EXOC3L1: variants seen among roughly 807,000 people sequenced by gnomAD.
EXOC3L1 encodes the protein exocyst complex component 3-like protein.
A neutral mutation model predicts 83.6 loss-of-function variants in EXOC3L1; 79 were observed. The observed-to-expected ratio is 0.95, with a 90% CI of 0.79 to 1.14. EXOC3L1 has a LOEUF of 1.14. Ranked by LOEUF, EXOC3L1 falls within the 50% of genes most tolerant of loss-of-function variation. The pLI is 0.00. For synonymous variants in EXOC3L1, 433 were observed against 451.2 expected (o/e 0.96, Z 0.51); for missense variants, 945 against 972.0 (o/e 0.97, Z 0.37).
At chr16:67,185,629 TC>T in intron 9 of EXOC3L1, 139 bp from the exon 10 acceptor site, 2 of 771,722 alleles carry the variant, frequency 2.6e-6, no homozygotes, top group Non-Finnish European at 4.2e-6. Context: ...GCACTTCTGG[TC>T]CCAGGCATGG....
chr16:67,186,113 A>T (rs2032711502), intron 9 of EXOC3L1, 124 bp downstream of exon 9: 1 of 679,698 alleles, frequency 1.5e-6, no homozygotes, highest in Admixed American at 2.5e-5. Context: ...GCAGAACTAG[A>T]ATTGGAACCC....
Position 67,188,777 on chromosome 16 carries a change from A to G in EXOC3L1, c.371T>C (p.Val124Ala), listed in dbSNP as rs1439740743. ...LQTLEPLRER[V>A]AQHKQLQALS... ...GGCCTGCAGTTGCTTGTGCTGGGCA[A>G]CCCGCTCCCGTAGGGGCTCTAGAGT... The change falls in exon 4 of 14, where the codon GTT (valine) becomes GCT (alanine). Residue 124 changes from valine to alanine, a missense_variant. Val to Ala is a moderately conservative substitution (Grantham distance 64). Transcript: ENST00000314586. 1 of 1,613,078 alleles carries G rather than the reference A, an allele frequency of 6.2e-7. No individual in the cohort carries two copies. The highest frequency in any genetic ancestry group is 8.5e-7 in the Non-Finnish European group (1 of 1,179,930).
chr16:67,184,817 A>T lies in EXOC3L1; in HGVS notation c.1906-7T>A. On this transcript the variant is annotated splice_polypyrimidine_tract_variant and splice_region_variant and intron_variant, in intron 12 of 13. Transcript: ENST00000314586. ...GCGCGTTCTCCTCCAGGCCCTGAGC[A>T]CGTCGGGGTAGGGTCTCGCGCCAGC... is the stretch of plus-strand genomic sequence containing the variant. The T allele has an allele frequency of 6.2e-7, 1 of 1,603,944 alleles. No individual in the cohort carries two copies. The highest frequency in any genetic ancestry group is 8.5e-7 in the Non-Finnish European group (1 of 1,179,650).
At position 67,187,575 on chromosome 16, in the gene EXOC3L1, C is replaced by T. The variant is rs1322790333; in HGVS notation, c.690G>A (p.Glu230=). The T allele has an allele frequency of 6.2e-7, 1 of 1,605,268 alleles. No individual in the cohort carries two copies. The change falls in exon 5 of 14, where the codon GAG becomes GAA. Residue 230 remains glutamate, a synonymous_variant. Transcript: ENST00000314586. ...GGCCCAGGGGGGTTGTTCGTCCAGT[C>T]TCCACCTCCGCCACACGCACAGCAG... ...LVAAVRVAEV[E]TGRTTPLGQV...
chr16:67,184,701 T>G lies in EXOC3L1; in HGVS notation c.2015A>C (p.Gln672Pro). 1 of 1,576,322 alleles carries G rather than the reference T, an allele frequency of 6.3e-7. No individual in the cohort carries two copies. Residue 672 changes from glutamine (Q) to proline (P), a missense_variant, in exon 13 of 14, where the codon CAA becomes CCA. Physicochemically the swap from Gln to Pro is moderately conservative, Grantham distance 76. Transcript: ENST00000314586. ...LGLEVAGLRQ[Q>P]FPDVSEDHVS... ...CAGTCCGCACCTCACGTCGGGAAATTGTTGCCGCAGGCCAGCCACCTCCAG... is the reference window on the plus strand; with the variant it reads ...CAGTCCGCACCTCACGTCGGGAAATGGTTGCCGCAGGCCAGCCACCTCCAG...
chr16:67,189,751 CCT>C, intron 1 of EXOC3L1, 68 bp from the exon 2 acceptor site: 1 of 1,495,408 alleles, frequency 6.7e-7, no homozygotes, highest in African/African-American at 1.4e-5. Flanking sequence ...TGAGCTGCTG[CCT>C]CTGTCTAAGC....
In EXOC3L1 at chr16:67,187,446, T is replaced by G. The variant is rs1346528855; in HGVS notation, c.819A>C (p.Pro273=). The G allele has an allele frequency of 6.2e-7, 1 of 1,609,684 alleles. No homozygotes were observed. Among genetic ancestry groups the G allele is most frequent in the Non-Finnish European group, 8.5e-7 (1 of 1,179,748 alleles). Residue 273 remains proline (P), a synonymous_variant, in exon 5 of 14, where the codon CCA becomes CCC. Coordinates refer to ENST00000314586, the MANE Select transcript of EXOC3L1 (RefSeq NM_178516.4). ...SPLLPAPGAL[P]GWLEALRVAL... is the part of the protein sequence containing the mutation. ...CCACTCGCAGAGCCTCCAGCCACCCTGGTAGGGCCCCTGGTGCAGGCAGCA... is the reference window on the plus strand; with the variant it reads ...CCACTCGCAGAGCCTCCAGCCACCCGGGTAGGGCCCCTGGTGCAGGCAGCA...
At chr16:67,189,203 G>T (rs1468831436) in intron 2 of EXOC3L1, 23 bp from the exon 3 acceptor site, 5 of 1,576,598 alleles carry the variant, frequency 3.2e-6, no homozygotes, top group Non-Finnish European at 3.4e-6. Context: ...AGCCTGGGCA[G>T]CCGTGTAGTC....
chr16:67,184,861 A>G (rs1328624852), intron 12 of EXOC3L1, 41 bp downstream of exon 12: 1 of 1,609,970 alleles, frequency 6.2e-7, no homozygotes, highest in Non-Finnish European at 8.5e-7. Flanking sequence ...CCACCCAGCC[A>G]CTGAGACTCT....
chr16:67,185,464 T>C lies in EXOC3L1; in HGVS notation c.1523A>G (p.Asp508Gly). Residue 508 changes from aspartate to glycine, a missense_variant, in exon 10 of 14, where the codon GAC becomes GGC. By Grantham distance (94) the Asp-to-Gly change is moderately conservative (BLOSUM62 -1). Transcript: ENST00000314586. ...AGCCAAGGCCCCTGAAGGCGCCCCG[T>C]CCAGCTGCAGGACAGACACTGAGGA... ...LSSSVSVLQL[D>G]GAPSGALAPV... is the part of the protein sequence containing the mutation. 6.2e-7 allele frequency: 1 copy of C among 1,609,942 alleles called. No individual in the cohort carries two copies. Among genetic ancestry groups the C allele is most frequent in the Non-Finnish European group, 8.5e-7 (1 of 1,179,990 alleles).
Position 67,187,266 on chromosome 16 carries a change from A to G in EXOC3L1, c.999T>C (p.Asp333=). ...GTGCCCAGTGCAGCAAGGCGAAGGC[A>G]TCCGCAGCTTCTAGCTCAGGCCCTG... ...LLAGPELEAA[D]AFALLHWALH... is the part of the protein sequence containing the mutation. Residue 333 remains aspartate, a synonymous_variant, in exon 5 of 14, where the codon GAT becomes GAC. Transcript: ENST00000314586. The G allele has an allele frequency of 1.9e-6, 3 of 1,612,744 alleles. No individual in the cohort carries two copies. The highest frequency in any genetic ancestry group is 2.7e-5 in the African/African-American group (2 of 75,058).
rs138463268 is a variant in EXOC3L1, at chr16:67,187,984, C to T, written c.428-147G>A. 710 of 1,153,344 alleles carry T rather than the reference C, an allele frequency of 6.2e-4. 8 individuals carry two copies. In the East Asian group the frequency reaches 0.018, roughly 30 times the overall value. The allele number at this position is 1,153,344 out of a possible 1,614,324, so 71.4% of individuals were successfully genotyped here. Reference sequence around the variant, plus strand: ...GTAAGCTGGGCACAGTGGCTCATGCCTGTAATCCCAGCACTTCGGGAGGCC... The same window carrying T: ...GTAAGCTGGGCACAGTGGCTCATGCTTGTAATCCCAGCACTTCGGGAGGCC... On this transcript the variant is annotated intron_variant, in intron 4 of 13. Transcript: ENST00000314586.
intron 1 of EXOC3L1, 73 bp from the exon 2 acceptor site, chr16:67,189,756 G>T: frequency 6.9e-7 from 1 of 1,457,078 alleles, no homozygotes; most frequent in Non-Finnish European, 9.5e-7. Flanking sequence ...TGCTGCCTCT[G>T]TCTAAGCCCT....
In EXOC3L1 at chr16:67,188,837, C is replaced by G. The variant is rs139481929; in HGVS notation, c.311G>C (p.Arg104Pro). ...QGTREALSQARGLLQGMSQAL... is the reference protein window; with the variant it reads ...QGTREALSQAPGLLQGMSQAL... ...CTGGGACATGCCCTGGAGCAACCCACGGGCCTGGCTCAGGGCCTCCCGGGT... is the reference window on the plus strand; with the variant it reads ...CTGGGACATGCCCTGGAGCAACCCAGGGGCCTGGCTCAGGGCCTCCCGGGT... The change falls in exon 4 of 14, where the codon CGT (arginine) becomes CCT (proline). Residue 104 changes from arginine to proline, a missense_variant. Coordinates refer to ENST00000314586, the MANE Select transcript of EXOC3L1 (RefSeq NM_178516.4). 2.5e-6 allele frequency: 4 copies of G among 1,613,302 alleles called. No individual in the cohort carries two copies. The South Asian group carries it at 4.4e-5, about 18-fold the overall frequency.
At chr16:67,189,588 T>C (rs981988520) in intron 2 of EXOC3L1, 43 bp downstream of exon 2, 3 of 1,611,500 alleles carry the variant, frequency 1.9e-6, no homozygotes, top group Non-Finnish European at 2.5e-6. Context: ...GTCCCATCTT[T>C]GTTGCCATCA....
chr16:67,184,919 G>A lies in EXOC3L1; in HGVS notation c.1888C>T (p.Gln630Ter). 2 of 1,612,300 alleles carry A rather than the reference G, an allele frequency of 1.2e-6. No homozygotes were observed. The highest frequency in any genetic ancestry group is 1.7e-6 in the Non-Finnish European group (2 of 1,179,752). The change falls in exon 12 of 14, where the codon CAG becomes TAG. Residue 630 changes from glutamine (Q) to a stop codon, truncating the protein, a stop_gained. Transcript: ENST00000314586. LOFTEE classifies it high-confidence loss of function. ...RLRHDAAQLQ[Q>*]LFLSLGLEEN... ...GCTCTCACCAAACTGAGGAAAAGCT[G>A]CTGAAGCTGGGCAGCATCGTGCCGC... is the stretch of plus-strand genomic sequence containing the variant.
chr16:67,185,312 T>A, intron 10 of EXOC3L1, 49 bp downstream of exon 10: 1 of 1,613,022 alleles, frequency 6.2e-7, no homozygotes, highest in Non-Finnish European at 8.5e-7. Context: ...TACGTAGCTG[T>A]ACCGCCACCT....
Position 67,188,957 on chromosome 16 carries a change from C to A in EXOC3L1, c.208-17G>T. 6.2e-7 allele frequency: 1 copy of A among 1,611,056 alleles called. No individual in the cohort carries two copies. Among genetic ancestry groups the A allele is most frequent in the Middle Eastern group, 1.7e-4 (1 of 6,058 alleles). ...CATCACTGACTGTGGAAAGATGGAG[C>A]CATGAGGCTGGGCCAGCCCTGCAGC... On this transcript the variant is annotated splice_polypyrimidine_tract_variant and intron_variant, in intron 3 of 13. Transcript: ENST00000314586.
rs372067278 is a variant in EXOC3L1 at position 67,185,535 on chromosome 16, G to T, written c.1497-45C>A. 157 of 1,568,748 alleles carry T rather than the reference G, an allele frequency of 1.0e-4. No homozygotes were observed. In the African/African-American group the frequency reaches 1.6e-3, roughly 16 times the overall value. On this transcript the variant is annotated intron_variant, in intron 9 of 13. Coordinates refer to ENST00000314586, the MANE Select transcript of EXOC3L1 (RefSeq NM_178516.4). The stretch of plus-strand genomic sequence containing the variant: ...GGCTTCAGGACCAAGGCCAAGGCCC[G>T]CATGGCCCTCGGTGGTCCAGACCCT...
Sources: allele counts gnomAD v4.1 joint callset, GRCh38; gene constraint gnomAD v4.1.1; transcripts MANE v1.5; gene names NCBI Gene and HGNC (gene_info 2026-07-23, HGNC 2026-07-21).